The following GALNT17 variants were observed in gnomAD, a reference collection of about 807,000 sequenced individuals.
GALNT17 encodes the protein polypeptide N-acetylgalactosaminyltransferase 17.
A neutral mutation model predicts 63.7 loss-of-function variants in GALNT17; 29 were observed. The observed-to-expected ratio is 0.46, with a 90% CI of 0.34 to 0.62. The LOEUF is 0.62. GALNT17 is among the 20% of genes least tolerant of loss of function. The probability of loss-of-function intolerance (pLI) is 0.01; values close to 1 mark genes in which losing one functional copy is unlikely to be tolerated. For missense variants in GALNT17, 603 were observed against 799.6 expected, an observed-to-expected ratio of 0.75 and a Z score of 2.97; for synonymous variants, 305 against 318.3, an observed-to-expected ratio of 0.96 and a Z score of 0.45.
Position 71,572,519 on chromosome 7 carries a change from A to AAAAC in GALNT17, c.1080+1120_1080+1121insCAAA, listed in dbSNP as rs1554310759. ...CCTGTCTCATTAAAAAAAAAAAAAA[A>AAAAC]AAAAAAAAAAACTACATGTTTAAGG... On this transcript the variant is annotated intron_variant, in intron 6 of 10. Transcript: ENST00000333538. 6.7e-4 allele frequency among the ~76,000 whole-genome samples: 100 copies of AAAAC among 148,310 alleles called. 3 individuals are homozygous for AAAAC. The highest frequency in any genetic ancestry group is 2.4e-3 in the African/African-American group (94 of 39,440).
chr7:71,327,935 T>C (rs189549957), intron 1 of GALNT17, among the ~76,000 whole-genome samples: 11 of 152,066 alleles, frequency 7.2e-5, no homozygotes, highest in Non-Finnish European at 1.5e-4. Context: ...CTCTCTCTCT[T>C]TCCATCCATC....
intron 1 of GALNT17, among the ~76,000 whole-genome samples, chr7:71,226,869 C>T (rs1324693446): frequency 1.3e-5 from 2 of 152,054 alleles, no homozygotes; most frequent in African/African-American, 4.8e-5. Context: ...TTTTGGGTCT[C>T]CTTTGGAAAA....
intron 2 of GALNT17, among the ~76,000 whole-genome samples, chr7:71,357,511 C>T (rs2707436): frequency 0.032 from 4,795 of 152,166 alleles, 247 homozygotes; most frequent in African/African-American, 0.11. Flanking sequence ...CTAAGTTTTC[C>T]CCTTTTGCAT....
chr7:71,454,053 T>C (rs1045363060), intron 5 of GALNT17, among the ~76,000 whole-genome samples: 1 of 152,192 alleles, frequency 6.6e-6, no homozygotes, highest in African/African-American at 2.4e-5. Context: ...TGTCCCAGGG[T>C]ATTGTCAACT....
In GALNT17 at chr7:71,591,494, C is replaced by T. The variant is rs534986772; in HGVS notation, c.1080+20092C>T. On this transcript the variant is annotated intron_variant, in intron 6 of 10. Coordinates refer to ENST00000333538, the MANE Select transcript of GALNT17 (RefSeq NM_022479.3). The stretch of plus-strand genomic sequence containing the variant: ...CTGTGATGTGCTCAGCCTTCCAGGA[C>T]CTCCACTGCAATTTCTTACATTTTC... Among the ~76,000 whole-genome samples, 6 of 152,298 alleles carry T rather than the reference C, an allele frequency of 3.9e-5. No individual in the cohort carries two copies. In the South Asian group the frequency reaches 1.2e-3, roughly 32 times the overall value.
At position 71,529,585 on chromosome 7, in the gene GALNT17, A is replaced by G. The variant is rs372084386; in HGVS notation, c.963-41700A>G. Among the ~76,000 whole-genome samples the G allele has an allele frequency of 4.7e-4, 72 of 152,354 alleles. No individual in the cohort carries two copies. In the South Asian group the frequency reaches 0.011, roughly 24 times the overall value. On this transcript the variant is annotated intron_variant, in intron 5 of 10. Transcript: ENST00000333538. ...AGCCGTCCAGGTAAAGGGAAATGGG[A>G]TACCAAGCTTCCATTTGGTGGCAGT... is the stretch of plus-strand genomic sequence containing the variant.
chr7:71,178,690 G>A (rs1788683070), intron 1 of GALNT17, among the ~76,000 whole-genome samples: 1 of 152,112 alleles, frequency 6.6e-6, no homozygotes, highest in Non-Finnish European at 1.5e-5. Context: ...TCCAGTTAGT[G>A]TATATTTTAC....
At chr7:71,137,821 G>A (rs1426256818) in intron 1 of GALNT17, among the ~76,000 whole-genome samples, 1 of 152,158 alleles carries the variant, frequency 6.6e-6, no homozygotes, top group African/African-American at 2.4e-5. Context: ...CATGAATATG[G>A]CTTTATAGTT....
At chr7:71,174,115 G>A (rs561018420) in intron 1 of GALNT17, among the ~76,000 whole-genome samples, 1 of 152,286 alleles carries the variant, frequency 6.6e-6, no homozygotes, top group South Asian at 2.1e-4. Flanking sequence ...CCCTTGAGGG[G>A]CTCATAGACA....
At chr7:71,176,917 G>A (rs1788649365) in intron 1 of GALNT17, among the ~76,000 whole-genome samples, 1 of 152,184 alleles carries the variant, frequency 6.6e-6, no homozygotes. Context: ...TGCATTAAAT[G>A]CCATGCCTGC....
intron 5 of GALNT17, among the ~76,000 whole-genome samples, chr7:71,508,828 T>A (rs979027600): frequency 2.0e-5 from 3 of 152,154 alleles, no homozygotes; most frequent in African/African-American, 7.2e-5. Context: ...GCCGCTGGTT[T>A]TGCAGTTTGC....
intron 5 of GALNT17, among the ~76,000 whole-genome samples, chr7:71,541,293 C>T (rs1436487382): frequency 2.0e-5 from 3 of 150,860 alleles, no homozygotes; most frequent in Non-Finnish European, 4.4e-5. Context: ...CTTATGTGTG[C>T]TGGGCCTGGC....
chr7:71,135,445 G>C (rs975133026), intron 1 of GALNT17, among the ~76,000 whole-genome samples: 3 of 152,126 alleles, frequency 2.0e-5, no homozygotes, highest in African/African-American at 7.2e-5. Context: ...TTGCGAGATG[G>C]GTGCTCTGAC....
intron 1 of GALNT17, among the ~76,000 whole-genome samples, chr7:71,165,637 A>G (rs1170538432): frequency 2.0e-5 from 3 of 152,208 alleles, no homozygotes; most frequent in Non-Finnish European, 2.9e-5. Flanking sequence ...GGAAGCTACA[A>G]TTCAAGATGA....
At chr7:71,372,414 C>G (rs150393675) in intron 2 of GALNT17, among the ~76,000 whole-genome samples, 4,756 of 152,202 alleles carry the variant, frequency 0.031, 274 homozygotes, top group African/African-American at 0.11. Context: ...ATCCACCTGC[C>G]TCAGTCTCCC....
intron 1 of GALNT17, among the ~76,000 whole-genome samples, chr7:71,306,581 G>A (rs1791302467): frequency 6.6e-6 from 1 of 152,146 alleles, no homozygotes; most frequent in African/African-American, 2.4e-5. Context: ...CCTTTTGAAG[G>A]CTGAATAATA....
intron 1 of GALNT17, among the ~76,000 whole-genome samples, chr7:71,163,748 AG>A (rs768361313): frequency 4.3e-4 from 66 of 152,346 alleles, no homozygotes; most frequent in Non-Finnish European, 7.9e-4. Flanking sequence ...CCTCTTAGAT[AG>A]AGGCCAGATA....
At chr7:71,179,131 C>G (rs1054624562) in intron 1 of GALNT17, among the ~76,000 whole-genome samples, 1 of 152,178 alleles carries the variant, frequency 6.6e-6, no homozygotes, top group African/African-American at 2.4e-5. Flanking sequence ...AAACGTCAAG[C>G]TGGGAACTGC....
intron 6 of GALNT17, among the ~76,000 whole-genome samples, chr7:71,577,573 G>T (rs890835576): frequency 6.6e-6 from 1 of 152,148 alleles, no homozygotes; most frequent in African/African-American, 2.4e-5. Flanking sequence ...AGCCCCTGCA[G>T]GGGTCTTCTT....
Sources: allele counts gnomAD v4.1 joint callset (sites outside exome capture counted in the v4.1 genomes callset), GRCh38; gene constraint gnomAD v4.1.1; transcripts MANE v1.5; gene names NCBI Gene and HGNC (gene_info 2026-07-23, HGNC 2026-07-21).